The following ITGB1BP2 variants were observed in gnomAD, a reference collection of about 807,000 sequenced individuals.
The protein encoded by ITGB1BP2 is integrin subunit beta 1 binding protein 2.
Under a neutral mutation model 32.2 loss-of-function variants are expected in ITGB1BP2, and 27 were observed. The observed-to-expected ratio is 0.84, with a 90% CI of 0.62 to 1.16. The LOEUF (loss-of-function observed/expected upper bound fraction) is 1.16. Among genes scored for constraint, ITGB1BP2 ranks in the 50% most tolerant of loss-of-function variants. The probability of loss-of-function intolerance (pLI) is 0.00; values close to 1 mark genes in which losing one functional copy is unlikely to be tolerated. For missense variants in ITGB1BP2, 250 were observed against 267.3 expected, an observed-to-expected ratio of 0.94 and a Z score of 0.45; for synonymous variants, 105 against 94.7, an observed-to-expected ratio of 1.11 and a Z score of -0.63.
In ITGB1BP2 at chrX:71,305,000, G is replaced by A; in HGVS notation, c.852G>A (p.Met284Ile). 8.3e-7 allele frequency: 1 copy of A among 1,211,034 alleles called. No individual in the cohort carries two copies. The highest frequency in any genetic ancestry group is 1.1e-6 in the Non-Finnish European group (1 of 895,032). Residue 284 changes from methionine to isoleucine, a missense_variant, in exon 11 of 11, where the codon ATG becomes ATA. By Grantham distance (10) the Met-to-Ile change is conservative. Transcript: ENST00000373829. ...INVEQSSVFLMPSRVEISLVK... is the reference protein window; with the variant it reads ...INVEQSSVFLIPSRVEISLVK... ...TGGAGCAGAGCTCTGTCTTCTTGAT[G>A]CCATCTCGGGTTGAAATCTCCCTGG...
In ITGB1BP2 at chrX:71,303,047, A is replaced by C. The variant is rs1034632032; in HGVS notation, c.318-215A>C. 3.6e-5 allele frequency among the ~76,000 whole-genome samples: 4 copies of C among 111,612 alleles called. No individual in the cohort carries two copies. The Admixed American group carries it at 3.8e-4, about 11-fold the overall frequency. On this transcript the variant is annotated intron_variant, in intron 4 of 10. Coordinates refer to ENST00000373829, the MANE Select transcript of ITGB1BP2 (RefSeq NM_012278.4). ...AAAGTGGTTAGGTTTAGAGCAACTG[A>C]GTAGATGGGTAAGAGAAGTGCTGGG...
Position 71,303,849 on chromosome X carries a change from G to A in ITGB1BP2, c.577G>A (p.Asp193Asn), listed in dbSNP as rs1468370656. The change falls in exon 8 of 11, where the codon GAT (aspartate) becomes AAT (asparagine). Residue 193 changes from aspartate (D) to asparagine (N), a missense_variant. Asp to Asn is a conservative substitution (Grantham distance 23). Transcript: ENST00000373829. ...SWSCCGIQTLDFGAFLAQPGC... is the reference protein window; with the variant it reads ...SWSCCGIQTLNFGAFLAQPGC... ...GAGCTGTTGTGGCATCCAGACCCTGGATTTTGGGGCATTCTTGGCACAACC... is the reference window on the plus strand; with the variant it reads ...GAGCTGTTGTGGCATCCAGACCCTGAATTTTGGGGCATTCTTGGCACAACC... 8.3e-7 allele frequency: 1 copy of A among 1,209,932 alleles called. No individual in the cohort carries two copies. Among genetic ancestry groups the A allele is most frequent in the Non-Finnish European group, 1.1e-6 (1 of 894,738 alleles).
chrX:71,304,094 G>C (rs1460702439), intron 8 of ITGB1BP2, 93 bp from the exon 9 acceptor site: 1 of 767,318 alleles, frequency 1.3e-6, no homozygotes, highest in Admixed American at 2.7e-5. Flanking sequence ...TAATCTTTTT[G>C]AGACTCTCTG....
At chrX:71,301,923 G>A in intron 1 of ITGB1BP2, 53 bp downstream of exon 1, 1 of 1,035,803 alleles carries the variant, frequency 9.7e-7, no homozygotes, top group Non-Finnish European at 1.4e-6. Flanking sequence ...GTTGGGGACT[G>A]GTCAGCTGGG....
At position 71,301,851 on chromosome X, in the gene ITGB1BP2, C is replaced by G; in HGVS notation, c.45C>G (p.Asp15Glu). Residue 15 changes from aspartate to glutamate, a missense_variant, in exon 1 of 11, where the codon GAC becomes GAG. By Grantham distance (45) the Asp-to-Glu change is conservative. Transcript: ENST00000373829. Reference sequence around the variant, plus strand: ...ACAAAGGCTGTGGGCAGCACTTTGACCCTAATACCAACCTTCCTGGTGAGT... The same window carrying G: ...ACAAAGGCTGTGGGCAGCACTTTGAGCCTAATACCAACCTTCCTGGTGAGT... ...CRNKGCGQHFDPNTNLPDSCC... is the reference protein window; with the variant it reads ...CRNKGCGQHFEPNTNLPDSCC... 3 of 1,208,362 alleles carry G rather than the reference C, an allele frequency of 2.5e-6. No homozygotes were observed. The highest frequency in any genetic ancestry group is 3.4e-6 in the Non-Finnish European group (3 of 892,588).
At chrX:71,303,191 A>G (rs761774847) in intron 4 of ITGB1BP2, 71 bp from the exon 5 acceptor site, 17 of 929,034 alleles carry the variant, frequency 1.8e-5, no homozygotes, top group Middle Eastern at 3.0e-4. Flanking sequence ...TTCCATTACC[A>G]TCGGTGGGAG....
rs374925757 is a variant in ITGB1BP2 at position 71,302,274 on chromosome X, C to G, written c.115-3C>G. On this transcript the variant is annotated splice_region_variant and splice_polypyrimidine_tract_variant and intron_variant, in intron 2 of 10. Transcript: ENST00000373829. Reference sequence around the variant, plus strand: ...TAAGCTGATCTGGGTCTCTTGTTATCAGGGTTGGTCCTGCTGCCGAAAGCG... The same window carrying G: ...TAAGCTGATCTGGGTCTCTTGTTATGAGGGTTGGTCCTGCTGCCGAAAGCG... 1 of 1,211,161 alleles carries G rather than the reference C, an allele frequency of 8.3e-7. No individual in the cohort carries two copies. Among genetic ancestry groups the G allele is most frequent in the Non-Finnish European group, 1.1e-6 (1 of 895,262 alleles).
Position 71,302,274 on chromosome X carries a change from C to T in ITGB1BP2, c.115-3C>T, listed in dbSNP as rs374925757. On this transcript the variant is annotated splice_region_variant and splice_polypyrimidine_tract_variant and intron_variant, in intron 2 of 10. Coordinates refer to ENST00000373829, the MANE Select transcript of ITGB1BP2 (RefSeq NM_012278.4). ...TAAGCTGATCTGGGTCTCTTGTTAT[C>T]AGGGTTGGTCCTGCTGCCGAAAGCG... 1.7e-6 allele frequency: 2 copies of T among 1,208,739 alleles called. No homozygotes were observed. The highest frequency in any genetic ancestry group is 3.5e-5 in the African/African-American group (2 of 56,857).
At chrX:71,303,782 G>A (rs1245792263) in intron 7 of ITGB1BP2, 30 bp from the exon 8 acceptor site, 1 of 1,169,620 alleles carries the variant, frequency 8.5e-7, no homozygotes, top group Admixed American at 2.2e-5. Flanking sequence ...GGGGGTGAGA[G>A]AATTCAGTTG....
In ITGB1BP2 at chrX:71,303,150, A is replaced by G. The variant is rs965787118; in HGVS notation, c.318-112A>G. On this transcript the variant is annotated intron_variant, in intron 4 of 10. Coordinates refer to ENST00000373829, the MANE Select transcript of ITGB1BP2 (RefSeq NM_012278.4). ...ATGGGGTTGCTACCCAACCTCTCCA[A>G]CTCTGCCTCACTTTCACCAGGCTTC... 7.3e-6 allele frequency: 5 copies of G among 681,209 alleles called. No homozygotes were observed. The Admixed American group carries it at 1.9e-4, about 25-fold the overall frequency. 56.1% of individuals were successfully genotyped at this position (681,209 alleles called of 1,213,427 possible). A position where few individuals can be genotyped will look rare whatever the true frequency, so the allele number is the denominator to read the frequency against.
intron 8 of ITGB1BP2, 61 bp downstream of exon 8, chrX:71,303,972 C>T (rs1041759506): frequency 1.7e-5 from 16 of 942,358 alleles, no homozygotes; most frequent in South Asian, 8.9e-5. Context: ...AATTCTCCTC[C>T]CTCTCTGTAC....
chrX:71,303,659 A>C lies in ITGB1BP2; in HGVS notation c.501A>C (p.Pro167=). The C allele has an allele frequency of 8.3e-7, 1 of 1,211,190 alleles. No individual in the cohort carries two copies. Among genetic ancestry groups the C allele is most frequent in the Non-Finnish European group, 1.1e-6 (1 of 895,195 alleles). ...AAGGCCCTGAGAGTGATGCTACTCC[A>C]TGTACCTACCACCCAGGAGCACCCC... The part of the protein sequence containing the change: ...VYQGPESDAT[P]CTYHPGAPRF... The change falls in exon 7 of 11, where the codon CCA becomes CCC. Residue 167 remains proline (P), a synonymous_variant. Coordinates refer to ENST00000373829, the MANE Select transcript of ITGB1BP2 (RefSeq NM_012278.4).
rs751649664 is a variant in ITGB1BP2, at chrX:71,301,815, A to G, written c.9A>G (p.Leu3=). The change falls in exon 1 of 11, where the codon CTA becomes CTG. Residue 3 remains leucine, a synonymous_variant. Coordinates refer to ENST00000373829, the MANE Select transcript of ITGB1BP2 (RefSeq NM_012278.4). ...ATTCAACCAACGCTTCCATGTCTCT[A>G]CTCTGTCGTAACAAAGGCTGTGGGC... MS[L]LCRNKGCGQH... is the part of the protein sequence containing the mutation. 8.3e-7 allele frequency: 1 copy of G among 1,208,390 alleles called. No homozygotes were observed. The highest frequency in any genetic ancestry group is 2.2e-5 in the Admixed American group (1 of 45,833).
rs756167881 is a variant in ITGB1BP2 at position 71,303,805 on chromosome X, A to C, written c.540-7A>C. 5.0e-6 allele frequency: 6 copies of C among 1,202,829 alleles called. No homozygotes were observed. The East Asian group carries it at 1.8e-4, about 36-fold the overall frequency. On this transcript the variant is annotated splice_polypyrimidine_tract_variant and splice_region_variant and intron_variant, in intron 7 of 10. Transcript: ENST00000373829. ...GAGAATTCAGTTGAATTATCTTCCT[A>C]CTTCAGGATGAAGTCTTGGAGCTGT...
chrX:71,303,660 T>C lies in ITGB1BP2; in HGVS notation c.502T>C (p.Cys168Arg). 5 of 1,211,117 alleles carry C rather than the reference T, an allele frequency of 4.1e-6. No individual in the cohort carries two copies. Among genetic ancestry groups the C allele is most frequent in the Non-Finnish European group, 5.6e-6 (5 of 895,164 alleles). Residue 168 changes from cysteine to arginine, a missense_variant, in exon 7 of 11, where the codon TGT (cysteine) becomes CGT (arginine). Transcript: ENST00000373829. Reference sequence around the variant, plus strand: ...AGGCCCTGAGAGTGATGCTACTCCATGTACCTACCACCCAGGAGCACCCCG... The same window carrying C: ...AGGCCCTGAGAGTGATGCTACTCCACGTACCTACCACCCAGGAGCACCCCG... The part of the protein sequence containing the change: ...YQGPESDATP[C>R]TYHPGAPRFH...
chrX:71,303,633 C>T lies in ITGB1BP2; in HGVS notation c.475C>T (p.Gln159Ter). 1 of 1,210,278 alleles carries T rather than the reference C, an allele frequency of 8.3e-7. No individual in the cohort carries two copies. Among genetic ancestry groups the T allele is most frequent in the Non-Finnish European group, 1.1e-6 (1 of 894,591 alleles). ...CQNPGCDAVY[Q>*]GPESDATPCT... ...TCTACTTTATCCTTCTTAGGTTTACCAAGGCCCTGAGAGTGATGCTACTCC... is the reference window on the plus strand; with the variant it reads ...TCTACTTTATCCTTCTTAGGTTTACTAAGGCCCTGAGAGTGATGCTACTCC... Residue 159 changes from glutamine (Q) to a stop codon, truncating the protein, a stop_gained, in exon 7 of 11, where the codon CAA becomes TAA. Transcript: ENST00000373829. LOFTEE classifies it high-confidence loss of function.
Position 71,301,825 on chromosome X carries a change from A to G in ITGB1BP2, c.19A>G (p.Asn7Asp). 8.3e-7 allele frequency: 1 copy of G among 1,210,300 alleles called. No individual in the cohort carries two copies. Among genetic ancestry groups the G allele is most frequent in the Non-Finnish European group, 1.1e-6 (1 of 894,367 alleles). MSLLCRNKGCGQHFDPN... is the reference protein window; with the variant it reads MSLLCRDKGCGQHFDPN... ...CGCTTCCATGTCTCTACTCTGTCGT[A>G]ACAAAGGCTGTGGGCAGCACTTTGA... Residue 7 changes from asparagine to aspartate, a missense_variant, in exon 1 of 11, where the codon AAC becomes GAC. By Grantham distance (23) the Asn-to-Asp change is conservative. Transcript: ENST00000373829.
chrX:71,303,150 ACT>A (rs1332559608), intron 4 of ITGB1BP2, 110 bp from the exon 5 acceptor site: 3 of 681,209 alleles, frequency 4.4e-6, no homozygotes, highest in Non-Finnish European at 6.5e-6. Context: ...AACCTCTCCA[ACT>A]CTGCCTCACT....
Position 71,301,791 on chromosome X carries a change from T to C in ITGB1BP2, c.-16T>C, listed in dbSNP as rs750856235. On this transcript the variant is annotated 5_prime_UTR_variant, in exon 1 of 11. Coordinates refer to ENST00000373829, the MANE Select transcript of ITGB1BP2 (RefSeq NM_012278.4). ...CCTTGAAATACCCTTTCAGTAATCA[T>C]TCAACCAACGCTTCCATGTCTCTAC... is the stretch of plus-strand genomic sequence containing the variant. The C allele has an allele frequency of 1.7e-6, 2 of 1,205,102 alleles. No individual in the cohort carries two copies. Among genetic ancestry groups the C allele is most frequent in the East Asian group, 5.9e-5 (2 of 33,786 alleles).
Sources: allele counts gnomAD v4.1 joint callset (sites outside exome capture counted in the v4.1 genomes callset), GRCh38; gene constraint gnomAD v4.1.1; transcripts MANE v1.5; gene names NCBI Gene and HGNC (gene_info 2026-07-23, HGNC 2026-07-21).